Variants in PRKAR1B observed in about 807,000 individuals in gnomAD.
The protein encoded by PRKAR1B is protein kinase cAMP-dependent type I regulatory subunit beta, also known as cAMP-dependent protein kinase type I-beta regulatory subunit.
Under a neutral mutation model 46.5 loss-of-function variants are expected in PRKAR1B, and 22 were observed. The ratio of observed to expected loss-of-function variants is 0.47; its 90% confidence interval spans 0.34 to 0.68. The LOEUF (loss-of-function observed/expected upper bound fraction) is 0.68. Ranked by LOEUF, PRKAR1B falls within the 30% of genes least tolerant of loss-of-function variation. The pLI, the probability that PRKAR1B is intolerant of heterozygous loss-of-function variation, is 0.01. For missense variants in PRKAR1B, 445 were observed against 535.6 expected, an observed-to-expected ratio of 0.83 and a Z score of 1.67; for synonymous variants, 259 against 217.7, an observed-to-expected ratio of 1.19 and a Z score of -1.67.
intron 4 of PRKAR1B, 109 bp downstream of exon 4, chr7:677,120 G>A: frequency 9.4e-7 from 1 of 1,065,490 alleles, no homozygotes; most frequent in Non-Finnish European, 1.4e-6. Context: ...CCACCTCCTG[G>A]AGGCCAGGGA....
rs1052312911 is a variant in PRKAR1B, at chr7:695,502, T to C, written c.178-14776A>G. On this transcript the variant is annotated intron_variant, in intron 2 of 10. Coordinates refer to ENST00000537384, the MANE Select transcript of PRKAR1B (RefSeq NM_001164760.2). ...AAGCGCCATCTGAATTACGATGACCTCGTGTTCCATGATGGAGACTGCAGT... is the reference window on the plus strand; with the variant it reads ...AAGCGCCATCTGAATTACGATGACCCCGTGTTCCATGATGGAGACTGCAGT... Among the ~76,000 whole-genome samples the C allele has an allele frequency of 2.4e-4, 36 of 152,166 alleles. 1 individual carries two copies. Among genetic ancestry groups the C allele is most frequent in the Admixed American group, 2.0e-4 (3 of 15,270 alleles).
At chr7:685,832 T>C (rs542048387) in intron 2 of PRKAR1B, among the ~76,000 whole-genome samples, 28 of 152,296 alleles carry the variant, frequency 1.8e-4, no homozygotes, top group Admixed American at 5.9e-4. Context: ...TCAATACTTT[T>C]TAACTTTCAG....
intron 2 of PRKAR1B, among the ~76,000 whole-genome samples, chr7:688,742 G>A (rs1003195504): frequency 6.6e-5 from 10 of 152,102 alleles, no homozygotes; most frequent in Non-Finnish European, 1.2e-4. Context: ...GAGCTCTGCG[G>A]TCCTCTCAGC....
At chr7:558,639 G>C (rs1035365576) in intron 9 of PRKAR1B, among the ~76,000 whole-genome samples, 2 of 152,050 alleles carry the variant, frequency 1.3e-5, no homozygotes, top group African/African-American at 4.8e-5. Context: ...TGTAATCCCA[G>C]CTACTGGGGA....
At chr7:562,797 G>A (rs1778883672) in intron 9 of PRKAR1B, among the ~76,000 whole-genome samples, 1 of 152,154 alleles carries the variant, frequency 6.6e-6, no homozygotes, top group Non-Finnish European at 1.5e-5. Flanking sequence ...AGGCCATGGG[G>A]TCCATGCCCC....
At chr7:611,413 T>C (rs193266369) in intron 4 of PRKAR1B, among the ~76,000 whole-genome samples, 61 of 152,310 alleles carry the variant, frequency 4.0e-4, no homozygotes, top group South Asian at 6.2e-4. Context: ...GGCTGGCCAG[T>C]GGTGCTGGGT....
intron 4 of PRKAR1B, among the ~76,000 whole-genome samples, chr7:674,693 C>T (rs1273605055): frequency 3.3e-5 from 5 of 152,152 alleles, no homozygotes; most frequent in Non-Finnish European, 7.3e-5. Context: ...TCATGCCCAG[C>T]TAACTCTCTC....
At position 550,544 on chromosome 7, in the gene PRKAR1B, G is replaced by A. The variant is rs1784115029; in HGVS notation, c.1032C>T (p.Pro344=). 2 of 1,604,552 alleles carry A rather than the reference G, an allele frequency of 1.2e-6. No individual in the cohort carries two copies. Among genetic ancestry groups the A allele is most frequent in the African/African-American group, 1.3e-5 (1 of 74,696 alleles). The change falls in exon 11 of 11, where the codon CCC becomes CCT. Residue 344 remains proline (P), a synonymous_variant. Transcript: ENST00000537384. The stretch of plus-strand genomic sequence containing the variant: ...GCCGGTCCAGCTTCACACACTTGAG[G>A]GGCCCCCGGGCCACGACAGTGGCCG... ...PRAATVVARG[P]LKCVKLDRPR... is the part of the protein sequence containing the mutation.
intron 4 of PRKAR1B, among the ~76,000 whole-genome samples, chr7:661,428 C>A (rs112053611): frequency 1.0e-5 from 1 of 96,232 alleles, no homozygotes. Flanking sequence ...GGTCCCCACC[C>A]CAACGGGTCC....
intron 1 of PRKAR1B, among the ~76,000 whole-genome samples, chr7:722,343 C>T (rs1781104284): frequency 6.6e-6 from 1 of 151,782 alleles, no homozygotes; most frequent in Admixed American, 6.6e-5. Flanking sequence ...CTCAGGTGAT[C>T]TGCCCGCCTC....
At chr7:669,690 G>C (rs543395411) in intron 4 of PRKAR1B, among the ~76,000 whole-genome samples, 1 of 151,672 alleles carries the variant, frequency 6.6e-6, no homozygotes, top group Admixed American at 6.6e-5. Context: ...CTTGAACCCA[G>C]GAGACGGAGG....
chr7:587,782 G>A (rs1203183968), intron 7 of PRKAR1B, among the ~76,000 whole-genome samples: 1 of 152,232 alleles, frequency 6.6e-6, no homozygotes, highest in Non-Finnish European at 1.5e-5. Context: ...GGCCCTGCAG[G>A]AGTGGAGCAG....
intron 1 of PRKAR1B, among the ~76,000 whole-genome samples, chr7:711,738 G>A (rs1473787316): frequency 6.6e-6 from 1 of 152,186 alleles, no homozygotes; most frequent in Admixed American, 6.5e-5. Flanking sequence ...CCCCCGGCAG[G>A]GGTGGAGGGG....
intron 4 of PRKAR1B, among the ~76,000 whole-genome samples, chr7:636,071 ACCGGCCGCGCCCTCACG>A (rs1784050931): frequency 5.7e-5 from 1 of 17,496 alleles, no homozygotes; most frequent in Non-Finnish European, 1.1e-4. Flanking sequence ...CACGTCCTCC[ACCGGCCGCGCCCTCACG>A]TCCTCCACCG....
intron 4 of PRKAR1B, among the ~76,000 whole-genome samples, chr7:614,141 C>T (rs1222922310): frequency 6.6e-6 from 1 of 152,258 alleles, no homozygotes; most frequent in African/African-American, 2.4e-5. Context: ...CAGGCCAACG[C>T]AGGGCTGGGC....
intron 2 of PRKAR1B, among the ~76,000 whole-genome samples, chr7:706,198 C>T (rs1780314407): frequency 6.6e-6 from 1 of 152,028 alleles, no homozygotes; most frequent in African/African-American, 2.4e-5. Context: ...TGGTGGTGGG[C>T]ACCGGTACTC....
chr7:553,225 A>G lies in PRKAR1B; in HGVS notation c.892-1755T>C, dbSNP rs112040141. ...AGCCGCTGGGAAGACACACTAGAGA[A>G]GCTTCCTCTGAACAGCCGGGGAAAC... On this transcript the variant is annotated intron_variant, in intron 9 of 10. Coordinates refer to ENST00000537384, the MANE Select transcript of PRKAR1B (RefSeq NM_001164760.2). 8.3e-3 allele frequency among the ~76,000 whole-genome samples: 1,265 copies of G among 152,334 alleles called. 18 individuals carry two copies. The highest frequency in any genetic ancestry group is 0.029 in the African/African-American group (1,195 of 41,580).
chr7:658,661 G>GT (rs1190278414), intron 4 of PRKAR1B, among the ~76,000 whole-genome samples: 1 of 151,408 alleles, frequency 6.6e-6, no homozygotes, highest in East Asian at 1.9e-4. Flanking sequence ...TGTTTTTTGG[G>GT]TTTTTTTGAG....
chr7:639,772 C>T (rs1009625410), intron 4 of PRKAR1B, among the ~76,000 whole-genome samples: 2 of 150,854 alleles, frequency 1.3e-5, no homozygotes, highest in African/African-American at 4.9e-5. Context: ...GAGAACTGCT[C>T]GAGCCCAGGA....
Sources: gnomAD v4.1 joint callset for allele counts (sites outside exome capture counted in the v4.1 genomes callset) on GRCh38, gnomAD v4.1.1 for gene constraint, MANE v1.5 for transcripts, NCBI Gene and HGNC (gene_info 2026-07-23, HGNC 2026-07-21) for gene names.